The following GSE1 variants were observed in gnomAD, a reference collection of about 807,000 sequenced individuals.
The protein encoded by GSE1 is Gse1 coiled-coil protein.
Under a neutral mutation model 112.6 loss-of-function variants are expected in GSE1, and 32 were observed. The observed-to-expected ratio is 0.28, with a 90% CI of 0.21 to 0.38. The LOEUF is 0.38. GSE1 is among the 10% of genes least tolerant of loss of function. The pLI is 1.00. For missense variants in GSE1, 2,348 were observed against 1,699.2 expected, an observed-to-expected ratio of 1.38 and a Z score of -6.71; for synonymous variants, 1,115 against 735.6, an observed-to-expected ratio of 1.52 and a Z score of -8.35.
chr16:85,614,091 T>TC (rs1415474185), intron 1 of GSE1, among the ~76,000 whole-genome samples: 6 of 8,324 alleles, frequency 7.2e-4, no homozygotes, highest in South Asian at 4.1e-3. Context: ...GCCCCTCCCC[T>TC]CCCCCCCGCA....
intron 2 of GSE1, among the ~76,000 whole-genome samples, chr16:85,534,228 C>G (rs2044245701): frequency 6.6e-6 from 1 of 151,466 alleles, no homozygotes; most frequent in Non-Finnish European, 1.5e-5. Flanking sequence ...CTCAAGCAAT[C>G]CTCCCACCTC....
chr16:85,267,882 C>T (rs1028312651), intron 1 of GSE1, among the ~76,000 whole-genome samples: 2 of 152,224 alleles, frequency 1.3e-5, no homozygotes, highest in Non-Finnish European at 2.9e-5. Flanking sequence ...CCAGCTCTGC[C>T]ACAGACTAAC....
intron 1 of GSE1, among the ~76,000 whole-genome samples, chr16:85,624,122 C>G (rs1345211871): frequency 6.6e-6 from 1 of 152,200 alleles, no homozygotes; most frequent in African/African-American, 2.4e-5. Context: ...TCCTGCTGGC[C>G]CATGCCCCCC....
chr16:85,401,729 G>A (rs1015343270), intron 2 of GSE1, among the ~76,000 whole-genome samples: 1 of 152,234 alleles, frequency 6.6e-6, no homozygotes, highest in African/African-American at 2.4e-5. Context: ...CTGTGTACAC[G>A]CAGCACTGCA....
At chr16:85,612,100 C>A (rs2048023315), upstream of GSE1, among the ~76,000 whole-genome samples, 1 of 151,916 alleles carries the variant, frequency 6.6e-6, no homozygotes, top group Admixed American at 6.5e-5. Context: ...GAGGAGGGAG[C>A]GACCCCGGGG....
intron 2 of GSE1, among the ~76,000 whole-genome samples, chr16:85,641,540 G>A (rs1337627838): frequency 6.6e-6 from 1 of 152,226 alleles, no homozygotes. Flanking sequence ...TTGGTCTCCT[G>A]CTTCTCCCTG....
At chr16:85,304,549 A>C in intron 1 of GSE1, among the ~76,000 whole-genome samples, 1 of 116,746 alleles carries the variant, frequency 8.6e-6, no homozygotes, top group Non-Finnish European at 1.6e-5. Flanking sequence ...AGGAAAGGGA[A>C]GTGGGGAGCT....
At chr16:85,300,377 T>G (rs138883387) in intron 1 of GSE1, among the ~76,000 whole-genome samples, 439 of 152,310 alleles carry the variant, frequency 2.9e-3, no homozygotes, top group African/African-American at 0.01. Context: ...CGTACAACTG[T>G]CACCGCCGTC....
intron 1 of GSE1, among the ~76,000 whole-genome samples, chr16:85,628,971 G>A (rs1334142273): frequency 1.3e-5 from 2 of 152,190 alleles, no homozygotes; most frequent in African/African-American, 4.8e-5. Flanking sequence ...TTGGATCATG[G>A]GGGTGGATCT....
intron 2 of GSE1, among the ~76,000 whole-genome samples, chr16:85,546,616 A>G (rs1333634481): frequency 6.6e-6 from 1 of 152,202 alleles, no homozygotes; most frequent in African/African-American, 2.4e-5. Context: ...GGGAGAAGGT[A>G]TTCATAACAA....
chr16:85,623,573 C>T (rs75056654), intron 1 of GSE1, among the ~76,000 whole-genome samples: 4,076 of 152,258 alleles, frequency 0.027, 120 homozygotes, highest in African/African-American at 0.069. Context: ...CCCTCGAGGC[C>T]CCACAGCTCT....
intron 1 of GSE1, among the ~76,000 whole-genome samples, chr16:85,229,189 G>A (rs73257938): frequency 1.5e-3 from 223 of 152,358 alleles, no homozygotes; most frequent in African/African-American, 5.2e-3. Context: ...GCTGAGATCT[G>A]GCGCGGCACC....
At chr16:85,557,483 A>G (rs539204453) in intron 1 of GSE1, among the ~76,000 whole-genome samples, 1 of 152,002 alleles carries the variant, frequency 6.6e-6, no homozygotes, top group African/African-American at 2.4e-5. Context: ...GCTTTTATAA[A>G]ATTCTGCAGA....
intron 2 of GSE1, among the ~76,000 whole-genome samples, chr16:85,550,694 C>A (rs979435447): frequency 2.0e-5 from 3 of 152,214 alleles, no homozygotes; most frequent in African/African-American, 7.2e-5. Context: ...TTTCCCAGCA[C>A]GTGCTGGGAG....
chr16:85,302,847 C>T (rs2151464187), intron 1 of GSE1, among the ~76,000 whole-genome samples: 1 of 152,296 alleles, frequency 6.6e-6, no homozygotes, highest in African/African-American at 2.4e-5. Context: ...TCACAAGTAA[C>T]CCTGCGTCTT....
At chr16:85,427,511 A>G (rs2049020697) in intron 2 of GSE1, among the ~76,000 whole-genome samples, 1 of 152,158 alleles carries the variant, frequency 6.6e-6, no homozygotes, top group African/African-American at 2.4e-5. Flanking sequence ...GCATGGTGGC[A>G]GGCACCTGTA....
chr16:85,316,109 A>G (rs2045980178), intron 1 of GSE1, among the ~76,000 whole-genome samples: 1 of 152,254 alleles, frequency 6.6e-6, no homozygotes, highest in Non-Finnish European at 1.5e-5. Flanking sequence ...AAGTGAATTT[A>G]CCAGAAACCT....
intron 1 of GSE1, among the ~76,000 whole-genome samples, chr16:85,206,756 G>C (rs1478090300): frequency 6.6e-6 from 1 of 151,982 alleles, no homozygotes; most frequent in African/African-American, 2.4e-5. Flanking sequence ...AAAGGGGGAA[G>C]CTTCTAGGCC....
chr16:85,668,534 G>A (rs969089777), intron 14 of GSE1, 110 bp downstream of exon 14: 14 of 722,156 alleles, frequency 1.9e-5, no homozygotes, highest in Middle Eastern at 4.0e-4. Flanking sequence ...CTGTTTCTCC[G>A]TCCTGGGGCA....
Sources: allele counts gnomAD v4.1 joint callset (sites outside exome capture counted in the v4.1 genomes callset), GRCh38; gene constraint gnomAD v4.1.1; transcripts MANE v1.5; gene names NCBI Gene and HGNC (gene_info 2026-07-23, HGNC 2026-07-21).